The following GNAQ variants were observed in gnomAD, a reference collection of about 807,000 sequenced individuals.
The protein encoded by GNAQ is G protein subunit alpha q.
In GNAQ, 8 loss-of-function variants were observed where a neutral mutation model predicts 43.9. The ratio of observed to expected loss-of-function variants is 0.18; its 90% confidence interval spans 0.11 to 0.33. GNAQ has a LOEUF of 0.33. GNAQ is among the 10% of genes least tolerant of loss of function. The pLI is 1.00. For synonymous variants in GNAQ, 155 were observed against 170.7 expected, an observed-to-expected ratio of 0.91 and a Z score of 0.71; for missense variants, 158 against 450.8, an observed-to-expected ratio of 0.35 and a Z score of 5.88.
intron 1 of GNAQ, among the ~76,000 whole-genome samples, chr9:77,979,650 TGGAAGACTAAAAAA>T (rs1823345524): frequency 6.6e-6 from 1 of 152,178 alleles, no homozygotes; most frequent in East Asian, 1.9e-4. Context: ...CTGAACTCTC[TGGAAGACTAAAAAA>T]TAGCCCCTTC....
chr9:77,820,551 A>G (rs1043147419), intron 2 of GNAQ, among the ~76,000 whole-genome samples: 8 of 152,236 alleles, frequency 5.3e-5, no homozygotes, highest in African/African-American at 1.9e-4. Flanking sequence ...AAAATTAGAA[A>G]TTACTACATG....
chr9:77,911,488 A>T (rs769858884), intron 2 of GNAQ, among the ~76,000 whole-genome samples: 10 of 152,204 alleles, frequency 6.6e-5, no homozygotes, highest in South Asian at 2.1e-4. Flanking sequence ...ACCAGGATTA[A>T]AATACTATAG....
rs143644059 is a variant in GNAQ, at chr9:77,915,542, T to A, written c.321+6619A>T. Among the ~76,000 whole-genome samples the A allele has an allele frequency of 5.8e-3, 881 of 152,244 alleles. 7 individuals carry two copies. Among genetic ancestry groups the A allele is most frequent in the Non-Finnish European group, 9.3e-3 (631 of 68,010 alleles). ...ACTTTCAAAAACCATTTATGAGACA[T>A]TTTCACATACATTATCTATTTAACC... On this transcript the variant is annotated intron_variant, in intron 2 of 6. Coordinates refer to ENST00000286548, the MANE Select transcript of GNAQ (RefSeq NM_002072.5).
At chr9:77,880,941 T>C (rs2118065591) in intron 2 of GNAQ, among the ~76,000 whole-genome samples, 1 of 152,270 alleles carries the variant, frequency 6.6e-6, no homozygotes, top group South Asian at 2.1e-4. Flanking sequence ...TCTGGGCTTA[T>C]GCTTATGGGT....
intron 1 of GNAQ, among the ~76,000 whole-genome samples, chr9:77,927,353 T>C (rs971090926): frequency 1.3e-5 from 2 of 152,208 alleles, no homozygotes; most frequent in Non-Finnish European, 2.9e-5. Context: ...ATTGGTTCCT[T>C]CTCTCACTTA....
At chr9:77,857,580 T>C (rs1349445010) in intron 2 of GNAQ, among the ~76,000 whole-genome samples, 1 of 110,110 alleles carries the variant, frequency 9.1e-6, no homozygotes, top group Non-Finnish European at 1.8e-5. Context: ...GAAGGAAGGG[T>C]AGAAAAGAGA....
chr9:77,797,729 A>ATTTTT, intron 3 of GNAQ, 81 bp from the exon 4 acceptor site: 1 of 1,236,740 alleles, frequency 8.1e-7, no homozygotes, highest in Non-Finnish European at 1.2e-6. Context: ...GACAAAAATG[A>ATTTTT]GTCCTAACAG....
intron 2 of GNAQ, among the ~76,000 whole-genome samples, chr9:77,893,954 A>G (rs1828446418): frequency 2.0e-5 from 3 of 152,072 alleles, no homozygotes; most frequent in Non-Finnish European, 4.4e-5. Flanking sequence ...ACACCATGCT[A>G]AACTCTCGAA....
At chr9:77,838,180 GT>G (rs1485957517) in intron 2 of GNAQ, among the ~76,000 whole-genome samples, 2 of 106,846 alleles carry the variant, frequency 1.9e-5, no homozygotes, top group Non-Finnish European at 3.5e-5. Context: ...TCTCACTCTT[GT>G]TGCCCAAGCT....
intron 5 of GNAQ, among the ~76,000 whole-genome samples, chr9:77,783,441 T>C (rs1424445735): frequency 6.6e-6 from 1 of 152,260 alleles, no homozygotes; most frequent in Admixed American, 6.5e-5. Flanking sequence ...TAAGCCGTTA[T>C]TTTTTAAAAC....
chr9:77,948,988 A>G (rs959480554), intron 1 of GNAQ, among the ~76,000 whole-genome samples: 3 of 152,186 alleles, frequency 2.0e-5, no homozygotes, highest in Admixed American at 2.0e-4. Context: ...CAGGTGCCCC[A>G]GGGTCTCCCC....
At chr9:78,006,152 G>A (rs896126752) in intron 1 of GNAQ, among the ~76,000 whole-genome samples, 1 of 152,140 alleles carries the variant, frequency 6.6e-6, no homozygotes, top group Non-Finnish European at 1.5e-5. Flanking sequence ...GTCATAAATA[G>A]GAATTTGAGG....
intron 5 of GNAQ, among the ~76,000 whole-genome samples, chr9:77,744,670 G>C (rs1489202513): frequency 6.6e-6 from 1 of 152,080 alleles, no homozygotes; most frequent in Non-Finnish European, 1.5e-5. Context: ...ACATAATCAA[G>C]GATAATTAGG....
chr9:77,728,745 T>C, intron 5 of GNAQ, 78 bp from the exon 6 acceptor site: 1 of 1,029,414 alleles, frequency 9.7e-7, no homozygotes, highest in Non-Finnish European at 1.4e-6. Context: ...GTTTATTTTA[T>C]AAGTCCAACC....
At chr9:77,754,491 A>C (rs1825867516) in intron 5 of GNAQ, among the ~76,000 whole-genome samples, 1 of 152,212 alleles carries the variant, frequency 6.6e-6, no homozygotes, top group Admixed American at 6.5e-5. Flanking sequence ...CAGTAAACAG[A>C]GCAAAAAGGC....
intron 2 of GNAQ, among the ~76,000 whole-genome samples, chr9:77,915,940 C>G (rs1430289855): frequency 6.6e-6 from 1 of 152,182 alleles, no homozygotes; most frequent in African/African-American, 2.4e-5. Flanking sequence ...CCAGATTTCC[C>G]TCAGGGGCTG....
At chr9:77,982,787 G>C (rs1293287274) in intron 1 of GNAQ, among the ~76,000 whole-genome samples, 1 of 150,568 alleles carries the variant, frequency 6.6e-6, no homozygotes, top group Non-Finnish European at 1.5e-5. Flanking sequence ...CACACACCAG[G>C]GCCTGTCGTG....
In GNAQ at chr9:77,720,682, C is replaced by T. The variant is rs1587881737; in HGVS notation, c.*641G>A. 2 of 233,126 alleles carry T rather than the reference C, an allele frequency of 8.6e-6. No homozygotes were observed. Among genetic ancestry groups the T allele is most frequent in the East Asian group, 1.2e-4 (2 of 16,570 alleles). The allele number at this position is 233,126 out of a possible 1,614,324, so 14.4% of individuals were successfully genotyped here. The stretch of plus-strand genomic sequence containing the variant: ...GACACTTAACTTTTAGATGGGCATC[C>T]ACTGTCCCAGTCCAAAGTGAGACAA... On this transcript the variant is annotated 3_prime_UTR_variant, in exon 7 of 7. Coordinates refer to ENST00000286548, the MANE Select transcript of GNAQ (RefSeq NM_002072.5).
At chr9:77,889,388 G>A (rs891655922) in intron 2 of GNAQ, among the ~76,000 whole-genome samples, 1 of 115,842 alleles carries the variant, frequency 8.6e-6, no homozygotes, top group African/African-American at 3.3e-5. Flanking sequence ...TCCAGCCTGG[G>A]CGACAAAGCC....
Sources: allele counts gnomAD v4.1 joint callset (sites outside exome capture counted in the v4.1 genomes callset), GRCh38; gene constraint gnomAD v4.1.1; transcripts MANE v1.5; gene names NCBI Gene and HGNC (gene_info 2026-07-23, HGNC 2026-07-21).